Variants in LDLRAD4 observed in about 807,000 individuals in gnomAD.
LDLRAD4 encodes low-density lipoprotein receptor class A domain-containing protein 4.
Under a neutral mutation model 17.0 loss-of-function variants are expected in LDLRAD4, and 5 were observed. The ratio of observed to expected loss-of-function variants is 0.29; its 90% CI spans 0.15 to 0.62. LDLRAD4 has a LOEUF of 0.62. Among genes scored for constraint, LDLRAD4 ranks in the 20% least tolerant of loss-of-function variants. The pLI, the probability that LDLRAD4 is intolerant of heterozygous loss-of-function variation, is 0.84. For missense variants in LDLRAD4, 340 were observed against 424.7 expected, an observed-to-expected ratio of 0.80 and a Z score of 1.75; for synonymous variants, 168 against 171.8, an observed-to-expected ratio of 0.98 and a Z score of 0.17.
chr18:13,646,913 G>T (rs1171201642), exon 6 of LDLRAD4: 2 of 152,346 alleles, frequency 1.3e-5, no homozygotes, highest in South Asian at 2.1e-4. Context: ...GTGGGTGGTG[G>T]TTTCTTATGC....
At chr18:13,430,376 G>A (rs924385159) in intron 2 of LDLRAD4, among the ~76,000 whole-genome samples, 1 of 152,142 alleles carries the variant, frequency 6.6e-6, no homozygotes, top group African/African-American at 2.4e-5. Flanking sequence ...TCCCGATGAG[G>A]GTGTATTAAA....
At chr18:13,592,896 A>G (rs1465448905) in intron 3 of LDLRAD4, among the ~76,000 whole-genome samples, 1 of 152,272 alleles carries the variant, frequency 6.6e-6, no homozygotes, top group African/African-American at 2.4e-5. Context: ...ATTCTTAAGC[A>G]TTTAGTATCT....
At chr18:13,274,730 C>T (rs1168017059), upstream of LDLRAD4, among the ~76,000 whole-genome samples, 1 of 152,162 alleles carries the variant, frequency 6.6e-6, no homozygotes, top group Non-Finnish European at 1.5e-5. Flanking sequence ...TCAAATATCA[C>T]TGTTATTAAA....
chr18:13,390,849 G>A (rs2086221260), intron 2 of LDLRAD4, among the ~76,000 whole-genome samples: 1 of 152,236 alleles, frequency 6.6e-6, no homozygotes, highest in South Asian at 2.1e-4. Flanking sequence ...GGAGATGTGA[G>A]CGCCTGGCCT....
intron 3 of LDLRAD4, among the ~76,000 whole-genome samples, chr18:13,442,259 C>T (rs2091070743): frequency 6.6e-6 from 1 of 152,052 alleles, no homozygotes; most frequent in Non-Finnish European, 1.5e-5. Context: ...AGTGGGGAGG[C>T]GAATTCACAC....
intron 3 of LDLRAD4, among the ~76,000 whole-genome samples, chr18:13,580,042 A>AGGGG: frequency 6.6e-6 from 1 of 152,186 alleles, no homozygotes; most frequent in African/African-American, 2.4e-5. Flanking sequence ...TGCATTATTA[A>AGGGG]CGTGATGCTT....
chr18:13,225,232 T>C (rs893554322), intron 1 of LDLRAD4, among the ~76,000 whole-genome samples: 12 of 152,208 alleles, frequency 7.9e-5, no homozygotes, highest in Non-Finnish European at 1.3e-4. Flanking sequence ...ACAAGCTAAA[T>C]CTTTGAGATT....
At chr18:13,451,900 T>A (rs1007552923) in intron 3 of LDLRAD4, among the ~76,000 whole-genome samples, 1 of 152,200 alleles carries the variant, frequency 6.6e-6, no homozygotes, top group African/African-American at 2.4e-5. Context: ...CATATGACTT[T>A]GGGGGTGGGG....
At chr18:13,500,252 A>G (rs1164913469) in intron 3 of LDLRAD4, among the ~76,000 whole-genome samples, 1 of 145,936 alleles carries the variant, frequency 6.9e-6, no homozygotes, top group South Asian at 2.2e-4. Flanking sequence ...CGGGAATAGC[A>G]GCTGTCTTGT....
chr18:13,469,916 T>G (rs1344824595), intron 3 of LDLRAD4, among the ~76,000 whole-genome samples: 1 of 152,176 alleles, frequency 6.6e-6, no homozygotes, highest in Non-Finnish European at 1.5e-5. Flanking sequence ...CTGGGCAACA[T>G]AGTGAGACTC....
upstream of LDLRAD4, among the ~76,000 whole-genome samples, chr18:13,275,325 A>G (rs1165627782): frequency 6.6e-6 from 1 of 152,238 alleles, no homozygotes; most frequent in Non-Finnish European, 1.5e-5. Flanking sequence ...ACTGAGTGAC[A>G]TTTTAAGCAC....
At chr18:13,247,844 C>T (rs2043032649) in intron 1 of LDLRAD4, among the ~76,000 whole-genome samples, 1 of 152,082 alleles carries the variant, frequency 6.6e-6, no homozygotes, top group Non-Finnish European at 1.5e-5. Context: ...ACGGGATTTG[C>T]TGGAGAACCC....
intron 3 of LDLRAD4, chr18:13,612,500 C>T: frequency 7.3e-7 from 1 of 1,366,706 alleles, no homozygotes; most frequent in South Asian, 1.8e-5. Flanking sequence ...GGGGTGGGCC[C>T]TGCTGATACA....
intron 3 of LDLRAD4, among the ~76,000 whole-genome samples, chr18:13,617,508 T>C (rs1038505998): frequency 6.6e-6 from 1 of 152,026 alleles, no homozygotes; most frequent in Non-Finnish European, 1.5e-5. Context: ...TTAGAGGCCA[T>C]AAAGGAAAAA....
intron 2 of LDLRAD4, among the ~76,000 whole-genome samples, chr18:13,407,153 A>G (rs1156473892): frequency 6.6e-6 from 1 of 151,932 alleles, no homozygotes; most frequent in African/African-American, 2.4e-5. Context: ...AGCTTTCCCT[A>G]CCCTTGCTGT....
At chr18:13,575,190 C>T (rs2094751337) in intron 3 of LDLRAD4, among the ~76,000 whole-genome samples, 1 of 152,210 alleles carries the variant, frequency 6.6e-6, no homozygotes, top group South Asian at 2.1e-4. Flanking sequence ...GCAGCCTTCA[C>T]TGTACCCAAT....
chr18:13,329,586 C>A (rs1229827545), intron 1 of LDLRAD4, among the ~76,000 whole-genome samples: 1 of 152,128 alleles, frequency 6.6e-6, no homozygotes, highest in African/African-American at 2.4e-5. Context: ...GAGCATCTTT[C>A]AAAATTATAA....
At chr18:13,387,173 C>T (rs1432709300) in intron 1 of LDLRAD4, among the ~76,000 whole-genome samples, 168 bp from the exon 3 acceptor site, 1 of 152,192 alleles carries the variant, frequency 6.6e-6, no homozygotes, top group African/African-American at 2.4e-5. Flanking sequence ...ATAGCTGTGG[C>T]CTTGGGGGCA....
intron 2 of LDLRAD4, among the ~76,000 whole-genome samples, chr18:13,433,869 C>T (rs2090495205): frequency 6.6e-6 from 1 of 152,152 alleles, no homozygotes. Context: ...ATGGTATAAC[C>T]CAACTGGCTG....
Sources: gnomAD v4.1 joint callset for allele counts (sites outside exome capture counted in the v4.1 genomes callset) on GRCh38, gnomAD v4.1.1 for gene constraint, MANE v1.5 for transcripts, NCBI Gene and HGNC (gene_info 2026-07-23, HGNC 2026-07-21) for gene names.